The following MRGPRF variants were observed in gnomAD, a reference collection of about 807,000 sequenced individuals.
MRGPRF encodes the protein MAS related GPR family member F, also known as mas-related G protein-coupled receptor member F.
Under a neutral mutation model 3.3 loss-of-function variants are expected in MRGPRF, and 2 were observed. The observed-to-expected ratio is 0.61, with a 90% CI of 0.25 to 1.92. The LOEUF (loss-of-function observed/expected upper bound fraction) is 1.92. MRGPRF is among the 40% of genes most tolerant of loss of function. The probability of loss-of-function intolerance (pLI) is 0.16; values close to 1 mark genes in which losing one functional copy is unlikely to be tolerated. For synonymous variants in MRGPRF, 242 were observed against 222.7 expected (o/e 1.09, Z -0.77); for missense variants, 500 against 476.0 (o/e 1.05, Z -0.47).
Position 69,009,839 on chromosome 11 carries a change from G to A in MRGPRF, c.48+15C>T, listed in dbSNP as rs373496286. Reference sequence around the variant, plus strand: ...CGTCTGGGCAAGACCAGGGCCCTCCGCCTGTGGCACTTACCTTGTTCCTGT... The same window carrying A: ...CGTCTGGGCAAGACCAGGGCCCTCCACCTGTGGCACTTACCTTGTTCCTGT... On this transcript the variant is annotated intron_variant, in intron 2 of 2. Coordinates refer to ENST00000309099, the MANE Select transcript of MRGPRF (RefSeq NM_145015.5). The A allele has an allele frequency of 3.1e-6, 5 of 1,593,426 alleles. No individual in the cohort carries two copies. Among genetic ancestry groups the A allele is most frequent in the African/African-American group, 1.3e-5 (1 of 74,556 alleles).
intron 2 of MRGPRF, 24 bp from the exon 3 acceptor site, chr11:69,006,285 C>T (rs1210109701): frequency 6.4e-6 from 10 of 1,574,048 alleles, no homozygotes; most frequent in Admixed American, 1.7e-5. Context: ...GAGAGGGACA[C>T]CTGTGATGCC....
chr11:69,006,315 A>T lies in MRGPRF; in HGVS notation c.49-54T>A, dbSNP rs780301851. The stretch of plus-strand genomic sequence containing the variant: ...GATGCCGGCTGGCCCCCACCCACAG[A>T]CCTGCATCTGGGGCCCAGCGTGGGG... On this transcript the variant is annotated intron_variant, in intron 2 of 2. Coordinates refer to ENST00000309099, the MANE Select transcript of MRGPRF (RefSeq NM_145015.5). 2.8e-5 allele frequency: 42 copies of T among 1,477,876 alleles called. No individual in the cohort carries two copies. In the Middle Eastern group the frequency reaches 2.0e-3, roughly 69 times the overall value. The allele number at this position is 1,477,876 out of a possible 1,614,324, so 91.5% of individuals were successfully genotyped here. A position where few individuals can be genotyped will look rare whatever the true frequency, so the allele number is the denominator to read the frequency against.
chr11:69,008,983 C>T (rs142380197), intron 2 of MRGPRF, among the ~76,000 whole-genome samples: 1,826 of 152,336 alleles, frequency 0.012, 29 homozygotes, highest in South Asian at 0.035. Flanking sequence ...TGCTCTGGAG[C>T]CCGGCCCCAC....
At chr11:69,011,998 G>A (rs1163904498) in intron 1 of MRGPRF, among the ~76,000 whole-genome samples, 6 of 152,208 alleles carry the variant, frequency 3.9e-5, no homozygotes, top group Non-Finnish European at 5.9e-5. Flanking sequence ...CCTGAAAAGC[G>A]ATTTCACGCA....
Position 69,005,874 on chromosome 11 carries a change from T to C in MRGPRF, c.436A>G (p.Ile146Val). Residue 146 changes from isoleucine to valine, a missense_variant, in exon 3 of 3, where the codon ATC becomes GTC. Transcript: ENST00000309099. ...AVSAERCASV[I>V]FPAWYWRRRP... is the part of the protein sequence containing the mutation. ...CGGCGCCAGTACCAGGCGGGGAAGA[T>C]GACCGAGGCGCAGCGCTCGGCGCTG... The C allele has an allele frequency of 1.9e-6, 3 of 1,561,394 alleles. No homozygotes were observed. Among genetic ancestry groups the C allele is most frequent in the Non-Finnish European group, 1.7e-6 (2 of 1,155,402 alleles).
In MRGPRF at chr11:69,005,507, G is replaced by A. The variant is rs148799278; in HGVS notation, c.803C>T (p.Pro268Leu). The A allele has an allele frequency of 4.9e-5, 77 of 1,579,754 alleles. No individual in the cohort carries two copies. The African/African-American group carries it at 8.5e-4, about 17-fold the overall frequency. Residue 268 changes from proline (P) to leucine (L), a missense_variant, in exon 3 of 3, where the codon CCG becomes CTG. By Grantham distance (98) the Pro-to-Leu change is moderately conservative. Coordinates refer to ENST00000309099, the MANE Select transcript of MRGPRF (RefSeq NM_145015.5). ...DWFLFWVFQIPAPFPEYVTDL... is the reference protein window; with the variant it reads ...DWFLFWVFQILAPFPEYVTDL... ...AGTGACGTACTCGGGGAAGGGGGCC[G>A]GGATCTGGAAGACCCAGAAGAGGAA... is the stretch of plus-strand genomic sequence containing the variant.
Position 69,006,283 on chromosome 11 carries a change from C to T in MRGPRF, c.49-22G>A, listed in dbSNP as rs1860488597. 4 of 1,577,976 alleles carry T rather than the reference C, an allele frequency of 2.5e-6. No individual in the cohort carries two copies. In the Admixed American group the frequency reaches 6.9e-5, roughly 27 times the overall value. ...ACATCTGCGCAGGTGCAGAGAGGGA[C>T]ACCTGTGATGCCGGCTGGCCCCCAC... On this transcript the variant is annotated intron_variant, in intron 2 of 2. Transcript: ENST00000309099.
rs776995811 is a variant in MRGPRF, at chr11:69,009,843, G to T, written c.48+11C>A. On this transcript the variant is annotated intron_variant, in intron 2 of 2. Transcript: ENST00000309099. Reference sequence around the variant, plus strand: ...TGGGCAAGACCAGGGCCCTCCGCCTGTGGCACTTACCTTGTTCCTGTTGCC... The same window carrying T: ...TGGGCAAGACCAGGGCCCTCCGCCTTTGGCACTTACCTTGTTCCTGTTGCC... The T allele has an allele frequency of 6.2e-6, 10 of 1,609,488 alleles. No homozygotes were observed. The highest frequency in any genetic ancestry group is 8.5e-6 in the Non-Finnish European group (10 of 1,179,714).
Position 69,006,038 on chromosome 11 carries a change from C to A in MRGPRF, c.272G>T (p.Gly91Val), listed in dbSNP as rs1206962519. ...YFLHLASADV[G>V]YLFSKAVFSI... ...GAACACCGCCTTGCTGAAGAGGTAG[C>A]CCACATCGGCGCTGGCCAGGTGCAG... Residue 91 changes from glycine (G) to valine (V), a missense_variant, in exon 3 of 3, where the codon GGC becomes GTC. Transcript: ENST00000309099. The A allele has an allele frequency of 1.3e-6, 2 of 1,581,016 alleles. No homozygotes were observed. Among genetic ancestry groups the A allele is most frequent in the Admixed American group, 1.8e-5 (1 of 54,220 alleles).
At position 69,006,179 on chromosome 11, in the gene MRGPRF, G is replaced by A. The variant is rs759247107; in HGVS notation, c.131C>T (p.Pro44Leu). ...TIEQIAMLPP[P>L]AVMNYIFLLL... ...CAGGAAGATGTAGTTCATGACGGCC[G>A]GAGGCGGCAGCATCGCGATCTGCTC... Residue 44 changes from proline to leucine, a missense_variant, in exon 3 of 3, where the codon CCG becomes CTG. Physicochemically the swap from Pro to Leu is moderately conservative, Grantham distance 98. Transcript: ENST00000309099. 3.1e-6 allele frequency: 5 copies of A among 1,613,838 alleles called. No individual in the cohort carries two copies. Among genetic ancestry groups the A allele is most frequent in the East Asian group, 2.2e-5 (1 of 44,890 alleles).
chr11:69,009,767 G>T, intron 2 of MRGPRF, 87 bp downstream of exon 2: 4 of 1,465,084 alleles, frequency 2.7e-6, no homozygotes, highest in South Asian at 1.1e-5. Context: ...GGAAGGGGGG[G>T]ATGGGGGAGG....
intron 2 of MRGPRF, among the ~76,000 whole-genome samples, chr11:69,008,176 T>A (rs1464644304): frequency 1.3e-5 from 2 of 152,152 alleles, no homozygotes; most frequent in Non-Finnish European, 2.9e-5. Context: ...GAACACCCGA[T>A]CTTTAAATGT....
At position 69,005,983 on chromosome 11, in the gene MRGPRF, G is replaced by T. The variant is rs566219183; in HGVS notation, c.327C>A (p.Gly109=). ...FSILNTGGFL[G]TFADYIRSVC... is the part of the protein sequence containing the mutation. ...CGCTGCGGATGTAGTCGGCAAACGTGCCCAGGAAGCCCCCCGTGTTCAGGA... is the reference window on the plus strand; with the variant it reads ...CGCTGCGGATGTAGTCGGCAAACGTTCCCAGGAAGCCCCCCGTGTTCAGGA... Residue 109 remains glycine, a synonymous_variant, in exon 3 of 3, where the codon GGC becomes GGA. Coordinates refer to ENST00000309099, the MANE Select transcript of MRGPRF (RefSeq NM_145015.5). 1 of 1,565,060 alleles carries T rather than the reference G, an allele frequency of 6.4e-7. No homozygotes were observed. The highest frequency in any genetic ancestry group is 2.4e-5 in the East Asian group (1 of 42,276).
rs1400583236 is a variant in MRGPRF, at chr11:69,005,287, G to A, written c.1023C>T (p.Asn341=). ...TCCAGGCGCTGGAGTCTCAGGAGGCGTTCCCCGGGGGACACTGCATCTCCA... is the reference window on the plus strand; with the variant it reads ...TCCAGGCGCTGGAGTCTCAGGAGGCATTCCCCGGGGGACACTGCATCTCCA... ...VTMEMQCPPG[N]AS The change falls in exon 3 of 3, where the codon AAC becomes AAT. Residue 341 remains asparagine, a synonymous_variant. Coordinates refer to ENST00000309099, the MANE Select transcript of MRGPRF (RefSeq NM_145015.5). 26 of 1,498,298 alleles carry A rather than the reference G, an allele frequency of 1.7e-5. No homozygotes were observed. The highest frequency in any genetic ancestry group is 8.8e-5 in the Admixed American group (4 of 45,406). 92.8% of individuals were successfully genotyped at this position (1,498,298 alleles called of 1,614,324 possible). A position where few individuals can be genotyped will look rare whatever the true frequency, so the allele number is the denominator to read the frequency against.
chr11:69,010,102 G>A, intron 1 of MRGPRF, 145 bp from the exon 2 acceptor site: 1 of 608,572 alleles, frequency 1.6e-6, no homozygotes, highest in East Asian at 2.8e-5. Context: ...AGCAGCAGGG[G>A]CATTGTGGGA....
chr11:69,006,342 A>T (rs1385019079), intron 2 of MRGPRF, 81 bp from the exon 3 acceptor site: 2,199 of 1,277,416 alleles, frequency 1.7e-3, no homozygotes, highest in Middle Eastern at 2.7e-3. Context: ...AGCGTGGGGG[A>T]GGGGGGGGGT....
chr11:69,010,100 G>A (rs141316311), intron 1 of MRGPRF, 143 bp from the exon 2 acceptor site: 49 of 608,580 alleles, frequency 8.1e-5, no homozygotes, highest in African/African-American at 6.7e-4. Flanking sequence ...TCAGCAGCAG[G>A]GGCATTGTGG....
At chr11:69,007,364 T>G (rs1051319937) in intron 2 of MRGPRF, among the ~76,000 whole-genome samples, 18 of 152,138 alleles carry the variant, frequency 1.2e-4, no homozygotes, top group African/African-American at 3.9e-4. Flanking sequence ...CGCACCGCCA[T>G]GCCTGACTAA....
Position 69,006,196 on chromosome 11 carries a change from G to C in MRGPRF, c.114C>G (p.Ile38Met), listed in dbSNP as rs143591586. 2.1e-5 allele frequency: 34 copies of C among 1,613,644 alleles called. No individual in the cohort carries two copies. In the South Asian group the frequency reaches 3.1e-4, roughly 15 times the overall value. ...YSRGFLTIEQ[I>M]AMLPPPAVMN... is the part of the protein sequence containing the mutation. ...TGACGGCCGGAGGCGGCAGCATCGCGATCTGCTCGATGGTCAGGAAGCCCC... is the reference window on the plus strand; with the variant it reads ...TGACGGCCGGAGGCGGCAGCATCGCCATCTGCTCGATGGTCAGGAAGCCCC... The change falls in exon 3 of 3, where the codon ATC becomes ATG. Residue 38 changes from isoleucine (I) to methionine (M), a missense_variant. Coordinates refer to ENST00000309099, the MANE Select transcript of MRGPRF (RefSeq NM_145015.5).
Sources: gnomAD v4.1 joint callset for allele counts (sites outside exome capture counted in the v4.1 genomes callset) on GRCh38, gnomAD v4.1.1 for gene constraint, MANE v1.5 for transcripts, NCBI Gene and HGNC (gene_info 2026-07-23, HGNC 2026-07-21) for gene names.